NWD1: variants seen among roughly 807,000 people sequenced by gnomAD.
NWD1 encodes NACHT domain- and WD repeat-containing protein 1.
A neutral mutation model predicts 135.1 loss-of-function variants in NWD1; 129 were observed. That is an observed-to-expected ratio of 0.96 (90% CI 0.83 to 1.11). The LOEUF is 1.11. Ranked by LOEUF, NWD1 falls within the 50% of genes least tolerant of loss-of-function variation. NWD1 has a pLI of 0.00. For missense variants in NWD1, 1,740 were observed against 1,851.3 expected (o/e 0.94, Z 1.10); for synonymous variants, 773 against 786.0 (o/e 0.98, Z 0.28).
chr19:16,792,314 G>T (rs529418010), intron 14 of NWD1, among the ~76,000 whole-genome samples: 4 of 152,040 alleles, frequency 2.6e-5, no homozygotes, highest in Admixed American at 2.6e-4. Context: ...GCTGAGGGGG[G>T]GTGGATCATT....
At chr19:16,759,877 C>T (rs1378740892) in intron 7 of NWD1, among the ~76,000 whole-genome samples, 1 of 151,930 alleles carries the variant, frequency 6.6e-6, no homozygotes, top group Non-Finnish European at 1.5e-5. Flanking sequence ...GCCTGTAATC[C>T]CAGCTGCTCG....
intron 6 of NWD1, among the ~76,000 whole-genome samples, chr19:16,759,003 C>CAAAAAAAA (rs58283462): frequency 1.3e-5 from 1 of 74,928 alleles, no homozygotes. Context: ...AACTCTGTCT[C>CAAAAAAAA]AAAAAAAAAA....
chr19:16,738,441 T>G (rs1967926702), intron 4 of NWD1: 1 of 228,938 alleles, frequency 4.4e-6, no homozygotes, highest in African/African-American at 2.3e-5. Flanking sequence ...TGGTGGCACA[T>G]GCCTGTGATC....
In NWD1 at chr19:16,744,605, A is replaced by T. The variant is rs1447654884; in HGVS notation, c.383A>T (p.Glu128Val). 1.3e-6 allele frequency: 2 copies of T among 1,535,088 alleles called. No individual in the cohort carries two copies. Among genetic ancestry groups the T allele is most frequent in the Non-Finnish European group, 1.7e-6 (2 of 1,146,370 alleles). The change falls in exon 5 of 19, where the codon GAG becomes GTG. Residue 128 changes from glutamate to valine, a missense_variant. Physicochemically the swap from Glu to Val is moderately radical, Grantham distance 121 (BLOSUM62 -2). Coordinates refer to ENST00000524140, the MANE Select transcript of NWD1 (RefSeq NM_001007525.5). ...GTCCTGCAGGCACCAGGTACTGGGG[A>T]GGCCTGTGAACCAGAGGAGGCCACC... ...TYVLQAPGTG[E>V]ACEPEEATLT...
chr19:16,778,252 C>T (rs543287120), intron 11 of NWD1, among the ~76,000 whole-genome samples: 9 of 152,168 alleles, frequency 5.9e-5, no homozygotes, highest in Non-Finnish European at 1.0e-4. Context: ...TCTAGGCCCA[C>T]GTTTTCTCCA....
At position 16,750,386 on chromosome 19, in the gene NWD1, G is replaced by T. The variant is rs143795871; in HGVS notation, c.1744G>T (p.Val582Leu). 2 of 1,593,672 alleles carry T rather than the reference G, an allele frequency of 1.3e-6. No individual in the cohort carries two copies. The highest frequency in any genetic ancestry group is 8.5e-7 in the Non-Finnish European group (1 of 1,171,290). ...ACACGGGCAGCTCCTCGTGGCCCACGTGCTGGGCTACATTGTGTCTTCCCG... is the reference window on the plus strand; with the variant it reads ...ACACGGGCAGCTCCTCGTGGCCCACTTGCTGGGCTACATTGTGTCTTCCCG... ...QTHGQLLVAH[V>L]LGYIVSSRHG... The change falls in exon 6 of 19, where the codon GTG (valine) becomes TTG (leucine). Residue 582 changes from valine (V) to leucine (L), a missense_variant. By Grantham distance (32) the Val-to-Leu change is conservative. Coordinates refer to ENST00000524140, the MANE Select transcript of NWD1 (RefSeq NM_001007525.5).
intron 18 of NWD1, among the ~76,000 whole-genome samples, chr19:16,814,108 C>T (rs954846972): frequency 6.6e-6 from 1 of 152,032 alleles, no homozygotes; most frequent in African/African-American, 2.4e-5. Context: ...TGCAGTGAGC[C>T]ATGATAGCAC....
chr19:16,749,486 C>G lies in NWD1; in HGVS notation c.844C>G (p.Arg282Gly). The change falls in exon 6 of 19, where the codon CGT becomes GGT. Residue 282 changes from arginine to glycine, a missense_variant. Transcript: ENST00000524140. Reference protein sequence around the residue: ...RANHQVLTRLRELDTAGQELA... With the variant: ...RANHQVLTRLGELDTAGQELA... ...CAATCACCAGGTCCTCACACGCCTCCGTGAGCTGGATACGGCCGGACAGGA... is the reference window on the plus strand; with the variant it reads ...CAATCACCAGGTCCTCACACGCCTCGGTGAGCTGGATACGGCCGGACAGGA... 1 of 1,611,990 alleles carries G rather than the reference C, an allele frequency of 6.2e-7. No individual in the cohort carries two copies. Among genetic ancestry groups the G allele is most frequent in the Non-Finnish European group, 8.5e-7 (1 of 1,178,290 alleles).
rs1300032923 is a variant in NWD1, at chr19:16,765,222, C to T, written c.2410+30C>T. ...GTCCAGATGGCCTGGATAGGAGTGA[C>T]CAGGACGGGCACTGACTTCTAGAAA... is the stretch of plus-strand genomic sequence containing the variant. On this transcript the variant is annotated intron_variant, in intron 10 of 18. Coordinates refer to ENST00000524140, the MANE Select transcript of NWD1 (RefSeq NM_001007525.5). The T allele has an allele frequency of 3.1e-6, 5 of 1,606,822 alleles. No individual in the cohort carries two copies. In the African/African-American group the frequency reaches 5.3e-5, roughly 17 times the overall value.
rs867652444 is a variant in NWD1 at position 16,728,961 on chromosome 19, A to T, written c.-6-2231A>T. On this transcript the variant is annotated intron_variant, in intron 2 of 18. Coordinates refer to ENST00000524140, the MANE Select transcript of NWD1 (RefSeq NM_001007525.5). ...TCCATCTCAAAAAAAAAAAAAAAAA[A>T]AAATAAGTAATTGCAGCTTGTGGGC... Among the ~76,000 whole-genome samples, 819 of 146,988 alleles carry T rather than the reference A, an allele frequency of 5.6e-3. 12 individuals carry two copies. The highest frequency in any genetic ancestry group is 0.019 in the African/African-American group (734 of 39,636).
At chr19:16,779,582 C>A in intron 12 of NWD1, 117 bp downstream of exon 12, 1 of 920,410 alleles carries the variant, frequency 1.1e-6, no homozygotes, top group Non-Finnish European at 1.7e-6. Flanking sequence ...GTTCCTGCAT[C>A]ACTTAGCTAT....
intron 3 of NWD1, among the ~76,000 whole-genome samples, chr19:16,734,286 T>C (rs1207635847): frequency 6.6e-6 from 1 of 152,178 alleles, no homozygotes; most frequent in Non-Finnish European, 1.5e-5. Context: ...AGGTGGCTCA[T>C]GCCTGTAATC....
chr19:16,736,855 T>C, intron 4 of NWD1, 105 bp downstream of exon 4: 1 of 722,506 alleles, frequency 1.4e-6, no homozygotes, highest in Non-Finnish European at 2.4e-6. Context: ...GTTTCTGCTT[T>C]CGTACCTTAT....
rs746573085 is a variant in NWD1 at position 16,750,303 on chromosome 19, C to G, written c.1661C>G (p.Pro554Arg). 1.2e-5 allele frequency: 19 copies of G among 1,613,462 alleles called. No individual in the cohort carries two copies. The African/African-American group carries it at 2.0e-4, about 17-fold the overall frequency. ...RKWASFTVPV[P>R]LATTAEEATH... ...TGGGCCTCTTTCACCGTGCCTGTCCCGCTGGCCACCACCGCAGAGGAAGCC... is the reference window on the plus strand; with the variant it reads ...TGGGCCTCTTTCACCGTGCCTGTCCGGCTGGCCACCACCGCAGAGGAAGCC... Residue 554 changes from proline (P) to arginine (R), a missense_variant, in exon 6 of 19, where the codon CCG becomes CGG. Physicochemically the swap from Pro to Arg is moderately radical, Grantham distance 103. Coordinates refer to ENST00000524140, the MANE Select transcript of NWD1 (RefSeq NM_001007525.5).
At chr19:16,751,074 A>T (rs1195658098) in intron 6 of NWD1, among the ~76,000 whole-genome samples, 1 of 151,416 alleles carries the variant, frequency 6.6e-6, no homozygotes, top group Non-Finnish European at 1.5e-5. Flanking sequence ...AATACAAAAA[A>T]TTAGCCAGGC....
intron 6 of NWD1, among the ~76,000 whole-genome samples, chr19:16,752,876 G>C (rs957472640): frequency 1.3e-5 from 2 of 152,280 alleles, no homozygotes; most frequent in Admixed American, 6.5e-5. Flanking sequence ...GCTCACACCT[G>C]TAGTCCCAGC....
intron 9 of NWD1, among the ~76,000 whole-genome samples, chr19:16,764,227 A>G (rs112747257): frequency 2.0e-5 from 3 of 151,994 alleles, no homozygotes; most frequent in African/African-American, 7.3e-5. Flanking sequence ...TACCACAGAA[A>G]ATAATCTAGC....
At position 16,765,138 on chromosome 19, in the gene NWD1, C is replaced by A. The variant is rs1414505911; in HGVS notation, c.2356C>A (p.Leu786Met). The stretch of plus-strand genomic sequence containing the variant: ...TCACCTGGACTCCCCTGAGGTTGGC[C>A]TGGTCCGTGAAGCCCTCCAGCTCTG... ...APHLDSPEVG[L>M]VREALQLCRP... is the part of the protein sequence containing the mutation. The change falls in exon 10 of 19, where the codon CTG becomes ATG. Residue 786 changes from leucine (L) to methionine (M), a missense_variant. By Grantham distance (15) the Leu-to-Met change is conservative. Transcript: ENST00000524140. 1 of 1,614,114 alleles carries A rather than the reference C, an allele frequency of 6.2e-7. No individual in the cohort carries two copies. Among genetic ancestry groups the A allele is most frequent in the East Asian group, 2.2e-5 (1 of 44,884 alleles).
chr19:16,809,547 CTTTTTCTTTTTCTTTTTTTTTTTTT>C (rs1455910935), intron 18 of NWD1, among the ~76,000 whole-genome samples: 1 of 129,948 alleles, frequency 7.7e-6, no homozygotes. Flanking sequence ...TTTTTTTTTT[CTTTTTCTTTTTCTTTTTTTTTTTTT>C]GAGATGGAGT....
Sources: gnomAD v4.1 joint callset for allele counts (sites outside exome capture counted in the v4.1 genomes callset) on GRCh38, gnomAD v4.1.1 for gene constraint, MANE v1.5 for transcripts, NCBI Gene and HGNC (gene_info 2026-07-23, HGNC 2026-07-21) for gene names.